SYBU: variants seen among roughly 807,000 people sequenced by gnomAD.
SYBU encodes GOLSYN A protein.
SYBU carries 21 observed loss-of-function variants against 35.9 expected under a neutral mutation model. That is an observed-to-expected ratio of 0.58 (90% confidence interval 0.41 to 0.84). SYBU has a LOEUF of 0.84. Ranked by LOEUF, SYBU falls within the 40% of genes least tolerant of loss-of-function variation. SYBU has a pLI of 0.00. For synonymous variants in SYBU, 319 were observed against 324.3 expected, an observed-to-expected ratio of 0.98 and a Z score of 0.18; for missense variants, 768 against 848.2, an observed-to-expected ratio of 0.91 and a Z score of 1.17.
chr8:109,630,686 A>G (rs941719230), intron 2 of SYBU, among the ~76,000 whole-genome samples: 1 of 152,208 alleles, frequency 6.6e-6, no homozygotes, highest in Non-Finnish European at 1.5e-5. Flanking sequence ...ATTGGAGAAA[A>G]ATGGGTTTAT....
At chr8:109,599,304 A>C (rs1825240974) in intron 3 of SYBU, among the ~76,000 whole-genome samples, 1 of 152,228 alleles carries the variant, frequency 6.6e-6, no homozygotes, top group South Asian at 2.1e-4. Flanking sequence ...AAGTTAACAT[A>C]ACAGAAATAC....
In SYBU at chr8:109,584,999, C is replaced by A. The variant is rs1348050047; in HGVS notation, c.530+1061G>T. On this transcript the variant is annotated intron_variant, in intron 4 of 6. Transcript: ENST00000276646. This position sits in a 1 kb window ranked among gnomAD's most constrained non-coding sequence, Gnocchi z 4.0. ...AGAGCTCAGTTCACCACTGAGGTAT[C>A]CTAGGACCCACCAAGCTAAAATATA... 1.3e-5 allele frequency among the ~76,000 whole-genome samples: 2 copies of A among 152,124 alleles called. No individual in the cohort carries two copies. The highest frequency in any genetic ancestry group is 2.9e-5 in the Non-Finnish European group (2 of 68,028).
chr8:109,691,387 C>G lies in SYBU; in HGVS notation c.-112G>C. 1.4e-6 allele frequency: 1 copy of G among 693,686 alleles called. No individual in the cohort carries two copies. Among genetic ancestry groups the G allele is most frequent in the Non-Finnish European group, 2.6e-6 (1 of 381,302 alleles). 43.0% of individuals were successfully genotyped at this position (693,686 alleles called of 1,614,324 possible). A position where few individuals can be genotyped will look rare whatever the true frequency, so the allele number is the denominator to read the frequency against. On this transcript the variant is annotated 5_prime_UTR_variant, in exon 1 of 8. Coordinates refer to the SYBU transcript ENST00000422135. The surrounding 1 kb of genome is among the most constrained non-coding windows in gnomAD (Gnocchi z 4.7). The stretch of plus-strand genomic sequence containing the variant: ...CTGTCCAGGAGGAGGCACCTACGTG[C>G]GCCCGGGAGACCGGGCCCCGGCTGG...
At chr8:109,626,252 A>G (rs1019862493) in intron 2 of SYBU, among the ~76,000 whole-genome samples, 3 of 152,138 alleles carry the variant, frequency 2.0e-5, no homozygotes, top group Non-Finnish European at 2.9e-5. Context: ...ATCTCTCCAT[A>G]CGTTCCTTTG....
At chr8:109,662,967 C>G (rs906266793) in intron 1 of SYBU, among the ~76,000 whole-genome samples, 1 of 151,988 alleles carries the variant, frequency 6.6e-6, no homozygotes, top group Non-Finnish European at 1.5e-5. Context: ...AGATGCACAC[C>G]GTTGATCAAT....
chr8:109,645,285 G>A (rs3108849), upstream of SYBU: 437,799 of 456,628 alleles, frequency 0.96, 210,027 homozygotes, highest in East Asian at 1. Flanking sequence ...GATCCCTCTC[G>A]TACCGGAGCC....
intron 3 of SYBU, 96 bp downstream of exon 3, chr8:109,618,746 G>T: frequency 8.9e-7 from 1 of 1,125,000 alleles, no homozygotes; most frequent in Non-Finnish European, 1.3e-6. Context: ...TACGGTATTT[G>T]TGATCCCCGA....
chr8:109,612,886 G>A (rs926414274), intron 3 of SYBU, among the ~76,000 whole-genome samples: 24 of 151,484 alleles, frequency 1.6e-4, no homozygotes, highest in African/African-American at 4.9e-4. Flanking sequence ...AGGCTGAGAA[G>A]GGAGAATTGC....
chr8:109,639,866 C>T (rs902367400), intron 2 of SYBU, among the ~76,000 whole-genome samples: 1 of 152,134 alleles, frequency 6.6e-6, no homozygotes, highest in East Asian at 1.9e-4. Context: ...TTATTTTCCA[C>T]CCACCAACCG....
In SYBU at chr8:109,597,154, G is replaced by C. The variant is rs1041075525; in HGVS notation, c.428-10992C>G. Among the ~76,000 whole-genome samples, 4 of 152,254 alleles carry C rather than the reference G, an allele frequency of 2.6e-5. No individual in the cohort carries two copies. The East Asian group carries it at 7.7e-4, about 29-fold the overall frequency. On this transcript the variant is annotated intron_variant, in intron 3 of 6. Transcript: ENST00000276646. The stretch of plus-strand genomic sequence containing the variant: ...GGTCACTTCACAACCCTGTACTTAA[G>C]ACTTGGCAAGGAGATGGGCCCATGA...
chr8:109,644,685 C>A lies in SYBU; in HGVS notation c.-26G>T. ...CGCGCCGCTGCCCGCCGGCTCCTCGCGCCGCCGCTGCCGCCGTCCAGGAGG... is the reference window on the plus strand; with the variant it reads ...CGCGCCGCTGCCCGCCGGCTCCTCGAGCCGCCGCTGCCGCCGTCCAGGAGG... On this transcript the variant is annotated 5_prime_UTR_variant, in exon 1 of 7. Coordinates refer to ENST00000276646, the MANE Select transcript of SYBU (RefSeq NM_001099754.2). The A allele has an allele frequency of 1.3e-6, 2 of 1,505,182 alleles. No individual in the cohort carries two copies. Among genetic ancestry groups the A allele is most frequent in the Non-Finnish European group, 1.8e-6 (2 of 1,134,466 alleles). The allele number at this position is 1,505,182 out of a possible 1,614,324, so 93.2% of individuals were successfully genotyped here.
At chr8:109,620,356 AT>A (rs976875133) in intron 2 of SYBU, among the ~76,000 whole-genome samples, 14 of 152,228 alleles carry the variant, frequency 9.2e-5, no homozygotes, top group African/African-American at 2.9e-4. Context: ...AACTAAAATA[AT>A]GTGCCATCTA....
chr8:109,632,707 G>A (rs73704606), intron 2 of SYBU, among the ~76,000 whole-genome samples: 12,410 of 152,166 alleles, frequency 0.082, 663 homozygotes, highest in South Asian at 0.23. Flanking sequence ...TAATTCCAGT[G>A]ACATTCATAA....
chr8:109,688,228 A>T (rs1033018396), intron 1 of SYBU, among the ~76,000 whole-genome samples: 2 of 152,214 alleles, frequency 1.3e-5, no homozygotes, highest in African/African-American at 2.4e-5. Flanking sequence ...AATCTGAGTA[A>T]AAAAACAATG....
chr8:109,636,307 A>G (rs1814225004), intron 2 of SYBU, among the ~76,000 whole-genome samples: 1 of 152,150 alleles, frequency 6.6e-6, no homozygotes, highest in African/African-American at 2.4e-5. Context: ...CTCAAATTAC[A>G]AGGTAGGAGT....
chr8:109,641,506 C>T (rs545263036), intron 2 of SYBU, among the ~76,000 whole-genome samples: 1 of 152,234 alleles, frequency 6.6e-6, no homozygotes, highest in Non-Finnish European at 1.5e-5. Flanking sequence ...GAAGGTCACA[C>T]AGTATGTAAG....
intron 3 of SYBU, among the ~76,000 whole-genome samples, chr8:109,599,233 G>A (rs193125756): frequency 3.5e-4 from 54 of 152,322 alleles, no homozygotes; most frequent in Middle Eastern, 6.8e-3. Flanking sequence ...AAACCCTGGG[G>A]CTGTGTCATT....
upstream of SYBU, chr8:109,645,976 C>T (rs978064425): frequency 6.6e-6 from 1 of 152,362 alleles, no homozygotes; most frequent in Non-Finnish European, 1.5e-5. Flanking sequence ...AAGTCAGGTC[C>T]AGATGATCCA....
intron 3 of SYBU, among the ~76,000 whole-genome samples, chr8:109,604,111 C>T (rs562382550): frequency 1.1e-4 from 17 of 152,000 alleles, no homozygotes; most frequent in Non-Finnish European, 1.9e-4. Flanking sequence ...AAAAAGAAAA[C>T]GTGATCTTAT....
Sources: gnomAD v4.1 joint callset for allele counts (sites outside exome capture counted in the v4.1 genomes callset) on GRCh38, gnomAD v4.1.1 for gene constraint, Gnocchi (gnomAD v3.1) non-coding constraint, MANE v1.5 for transcripts, NCBI Gene and HGNC (gene_info 2026-07-23, HGNC 2026-07-21) for gene names.